SVIL: variants seen among roughly 807,000 people sequenced by gnomAD.
SVIL encodes supervillin, also known as archvillin.
In SVIL, 101 loss-of-function variants were observed where a neutral mutation model predicts 240.4. The observed-to-expected ratio is 0.42, with a 90% CI of 0.36 to 0.50. The LOEUF is 0.50. Ranked by LOEUF, SVIL falls within the 20% of genes least tolerant of loss-of-function variation. The probability of loss-of-function intolerance (pLI) is 0.01; values close to 1 mark genes in which losing one functional copy is unlikely to be tolerated. For synonymous variants in SVIL, 999 were observed against 1,100.0 expected, an observed-to-expected ratio of 0.91 and a Z score of 1.82; for missense variants, 2,512 against 2,818.7, an observed-to-expected ratio of 0.89 and a Z score of 2.46.
intron 17 of SVIL, among the ~76,000 whole-genome samples, chr10:29,509,326 G>GA (rs1949617095): frequency 3.6e-5 from 2 of 56,208 alleles, no homozygotes; most frequent in African/African-American, 1.1e-4. Context: ...AGAAGGAGGG[G>GA]GAGGGAGAGA....
chr10:29,527,646 T>C (rs1179613114), intron 12 of SVIL, among the ~76,000 whole-genome samples: 1 of 151,712 alleles, frequency 6.6e-6, no homozygotes, highest in Admixed American at 6.6e-5. Context: ...AGGATGGTCT[T>C]GATCTCTTGA....
At chr10:29,718,592 C>T (rs1963778241) in intron 1 of SVIL, among the ~76,000 whole-genome samples, 1 of 152,014 alleles carries the variant, frequency 6.6e-6, no homozygotes, top group Admixed American at 6.6e-5. Context: ...CAGCAGACTC[C>T]CAGAGCCGAG....
intron 32 of SVIL, among the ~76,000 whole-genome samples, chr10:29,468,257 TA>T (rs1440228199): frequency 1.3e-5 from 2 of 152,216 alleles, no homozygotes; most frequent in African/African-American, 4.8e-5. Context: ...AAACTTAGTG[TA>T]ATGTTTTTAA....
Position 29,551,244 on chromosome 10 carries a change from C to T in SVIL, c.180G>A (p.Glu60=), listed in dbSNP as rs1425346677. 2.5e-6 allele frequency: 4 copies of T among 1,600,196 alleles called. No individual in the cohort carries two copies. In the Admixed American group the frequency reaches 6.9e-5, roughly 28 times the overall value. The change falls in exon 6 of 38, where the codon GAG becomes GAA. Residue 60 remains glutamate, a synonymous_variant. Transcript: ENST00000355867. ...TTTCTAGAGAAGAATCAGAAGTTTC[C>T]TCCTCTTCATTTGATCGGCCTACAA... is the stretch of plus-strand genomic sequence containing the variant. ...SPHIGRSNEE[E]ETSDSSLEKQ... is the part of the protein sequence containing the mutation.
chr10:29,687,170 T>G (rs1453392026), intron 1 of SVIL, among the ~76,000 whole-genome samples: 1 of 152,200 alleles, frequency 6.6e-6, no homozygotes, highest in Non-Finnish European at 1.5e-5. Context: ...GTTTACAATC[T>G]AAGTCTAGCT....
rs752620808 is a variant in SVIL, at chr10:29,493,303, T to A, written c.3930A>T (p.Lys1310Asn). ...MKPDDDETFA[K>N]FYRSVDYNMP... ...TATTATAATCCACGCTGCGGTAAAA[T>A]TTGGCAAAGGTTTCATCATCATCTG... The change falls in exon 21 of 38, where the codon AAA (lysine) becomes AAT (asparagine). Residue 1310 changes from lysine (K) to asparagine (N), a missense_variant. Physicochemically the swap from Lys to Asn is moderately conservative, Grantham distance 94. Coordinates refer to ENST00000355867, the MANE Select transcript of SVIL (RefSeq NM_021738.3). The A allele has an allele frequency of 6.8e-6, 11 of 1,613,992 alleles. No homozygotes were observed. The highest frequency in any genetic ancestry group is 9.3e-6 in the Non-Finnish European group (11 of 1,180,042).
At chr10:29,686,986 C>T (rs1255289164) in intron 1 of SVIL, among the ~76,000 whole-genome samples, 4 of 152,196 alleles carry the variant, frequency 2.6e-5, no homozygotes, top group African/African-American at 4.8e-5. Context: ...GACCCCCAAA[C>T]TCCTTACGCA....
intron 1 of SVIL, among the ~76,000 whole-genome samples, chr10:29,718,740 G>A (rs1460022987): frequency 2.6e-5 from 4 of 152,088 alleles, no homozygotes; most frequent in Admixed American, 1.3e-4. Context: ...CTGAGGGGGT[G>A]GGGGAACACT....
intron 2 of SVIL, among the ~76,000 whole-genome samples, chr10:29,672,998 C>T (rs766683359): frequency 3.3e-5 from 5 of 152,136 alleles, no homozygotes; most frequent in Admixed American, 2.6e-4. Flanking sequence ...ATTGCAACTG[C>T]AGCCTCCCAG....
intron 2 of SVIL, among the ~76,000 whole-genome samples, chr10:29,671,579 G>A (rs144791780): frequency 2.3e-4 from 35 of 152,290 alleles, no homozygotes; most frequent in African/African-American, 7.5e-4. Flanking sequence ...TGGGACTTCC[G>A]ATCACATATC....
chr10:29,694,691 C>T (rs1018613528), intron 1 of SVIL, among the ~76,000 whole-genome samples: 2 of 152,140 alleles, frequency 1.3e-5, no homozygotes, highest in African/African-American at 4.8e-5. Flanking sequence ...AACTCCTAAC[C>T]TCAAGTAATC....
At chr10:29,607,840 G>C (rs560680811) in intron 1 of SVIL, among the ~76,000 whole-genome samples, 16 of 152,340 alleles carry the variant, frequency 1.1e-4, no homozygotes, top group African/African-American at 3.8e-4. Flanking sequence ...AAGGCTCAAG[G>C]AGCTGGGAAC....
At chr10:29,586,865 G>A (rs926563975) in intron 1 of SVIL, among the ~76,000 whole-genome samples, 5 of 152,080 alleles carry the variant, frequency 3.3e-5, no homozygotes, top group African/African-American at 1.2e-4. Flanking sequence ...CACATAGAAG[G>A]GAACAACACA....
Position 29,523,484 on chromosome 10 carries a change from C to T in SVIL, c.3130G>A (p.Glu1044Lys). Residue 1044 changes from glutamate to lysine, a missense_variant, in exon 15 of 38, where the codon GAG becomes AAG. Coordinates refer to ENST00000355867, the MANE Select transcript of SVIL (RefSeq NM_021738.3). ...RLPFEEKVEVENVMKRKFSLR... is the reference protein window; with the variant it reads ...RLPFEEKVEVKNVMKRKFSLR... ...GAAAACTTCCTTTTCATAACATTCT[C>T]CACCTCCACCTTCTCTTCAAAGGGC... The T allele has an allele frequency of 6.2e-7, 1 of 1,611,044 alleles. No homozygotes were observed. Among genetic ancestry groups the T allele is most frequent in the Non-Finnish European group, 8.5e-7 (1 of 1,178,630 alleles).
chr10:29,579,272 C>T (rs984109989), intron 1 of SVIL, among the ~76,000 whole-genome samples: 7 of 151,984 alleles, frequency 4.6e-5, no homozygotes, highest in African/African-American at 1.7e-4. Context: ...CCCCTCTCTA[C>T]TAAAAATACA....
At chr10:29,687,837 G>T (rs1961200728) in intron 1 of SVIL, among the ~76,000 whole-genome samples, 1 of 152,142 alleles carries the variant, frequency 6.6e-6, no homozygotes, top group Non-Finnish European at 1.5e-5. Context: ...TTTTCCCCTG[G>T]ATTATGCCCT....
chr10:29,635,165 T>C (rs1325765840), upstream of SVIL, among the ~76,000 whole-genome samples: 1 of 152,134 alleles, frequency 6.6e-6, no homozygotes, highest in Non-Finnish European at 1.5e-5. Context: ...AAATTAAAAA[T>C]ACAACAGCAG....
intron 1 of SVIL, among the ~76,000 whole-genome samples, chr10:29,580,710 A>G (rs1955906378): frequency 6.6e-6 from 1 of 152,212 alleles, no homozygotes; most frequent in African/African-American, 2.4e-5. Flanking sequence ...TCTGTTGCCC[A>G]GGCTGGAGTG....
intron 1 of SVIL, among the ~76,000 whole-genome samples, chr10:29,572,633 A>G (rs1955479401): frequency 6.6e-6 from 1 of 152,014 alleles, no homozygotes; most frequent in African/African-American, 2.4e-5. Context: ...ATGTGGTGGT[A>G]CACACCTATA....
Sources: gnomAD v4.1 joint callset for allele counts (sites outside exome capture counted in the v4.1 genomes callset) on GRCh38, gnomAD v4.1.1 for gene constraint, MANE v1.5 for transcripts, NCBI Gene and HGNC (gene_info 2026-07-23, HGNC 2026-07-21) for gene names.